The following ARHGAP19 variants were observed in gnomAD, a reference collection of about 807,000 sequenced individuals.
ARHGAP19 encodes Rho GTPase activating protein 19.
In ARHGAP19, 48 loss-of-function variants were observed where a neutral mutation model predicts 60.9. The ratio of observed to expected loss-of-function variants is 0.79; its 90% CI spans 0.62 to 1.00. The LOEUF (loss-of-function observed/expected upper bound fraction) is 1.00. Ranked by LOEUF, ARHGAP19 falls within the 50% of genes least tolerant of loss-of-function variation. The probability of loss-of-function intolerance (pLI) is 0.00; values close to 1 mark genes in which losing one functional copy is unlikely to be tolerated. For synonymous variants in ARHGAP19, 209 were observed against 215.5 expected (o/e 0.97, Z 0.27); for missense variants, 562 against 597.2 (o/e 0.94, Z 0.61).
chr10:97,288,457 G>A (rs562812456), intron 1 of ARHGAP19, among the ~76,000 whole-genome samples: 2 of 152,096 alleles, frequency 1.3e-5, no homozygotes, highest in East Asian at 3.9e-4. Context: ...GCACACGCCT[G>A]TAGTCCCAGC....
chr10:97,241,121 G>T (rs1007341709), intron 8 of ARHGAP19, among the ~76,000 whole-genome samples: 2 of 151,772 alleles, frequency 1.3e-5, no homozygotes, highest in African/African-American at 2.4e-5. Context: ...AGGAGTTCAA[G>T]AACAGCCTGA....
Position 97,226,367 on chromosome 10 carries a change from TAA to T in ARHGAP19, c.1475-237_1475-236del, listed in dbSNP as rs573268236. 3.3e-5 allele frequency among the ~76,000 whole-genome samples: 5 copies of T among 152,358 alleles called. No homozygotes were observed. The South Asian group carries it at 1.0e-3, about 32-fold the overall frequency. ...AGTAAGTACATATTTTGTGCTGCTC[TAA>T]GTTATTTATGTACATTATTTATCCT... is the stretch of plus-strand genomic sequence containing the variant. On this transcript the variant is annotated intron_variant, in intron 11 of 11. Transcript: ENST00000358531.
intron 6 of ARHGAP19, among the ~76,000 whole-genome samples, chr10:97,251,256 A>G (rs1378653995): frequency 3.3e-5 from 1 of 30,094 alleles, no homozygotes; most frequent in African/African-American, 1.6e-4. Context: ...AGGGGGAGGG[A>G]AGGGGAAGGG....
At chr10:97,244,249 AG>A in intron 7 of ARHGAP19, 90 bp from the exon 8 acceptor site, 1 of 1,050,694 alleles carries the variant, frequency 9.5e-7, no homozygotes, top group Non-Finnish European at 1.4e-6. Flanking sequence ...AAAAAGGGAG[AG>A]TGGGGACATG....
At chr10:97,289,113 G>A (rs577089907) in intron 1 of ARHGAP19, among the ~76,000 whole-genome samples, 79 of 142,678 alleles carry the variant, frequency 5.5e-4, no homozygotes, top group African/African-American at 1.9e-3. Flanking sequence ...CACCGTGCCC[G>A]GCTTTTTTTT....
At chr10:97,259,314 C>A in intron 5 of ARHGAP19, 88 bp downstream of exon 5, 1 of 1,054,688 alleles carries the variant, frequency 9.5e-7, no homozygotes, top group Admixed American at 1.8e-5. Context: ...AGACCTTGGA[C>A]CCTTGATAAT....
intron 6 of ARHGAP19, among the ~76,000 whole-genome samples, chr10:97,251,118 AGAGAAAG>A (rs1842639671): frequency 8.8e-6 from 1 of 113,906 alleles, no homozygotes; most frequent in Non-Finnish European, 1.8e-5. Flanking sequence ...GGGAAGGGGA[AGAGAAAG>A]GGGAAGGGAA....
At chr10:97,248,415 C>T (rs1270492442) in intron 6 of ARHGAP19, among the ~76,000 whole-genome samples, 1 of 137,490 alleles carries the variant, frequency 7.3e-6, no homozygotes, top group African/African-American at 2.7e-5. Flanking sequence ...ATCTCCAAAA[C>T]AAGAAAAAAA....
chr10:97,256,762 G>C (rs1225820821), intron 5 of ARHGAP19, among the ~76,000 whole-genome samples: 7 of 152,256 alleles, frequency 4.6e-5, no homozygotes, highest in African/African-American at 1.4e-4. Context: ...TAGAAAACTA[G>C]AGTTTCTCCA....
chr10:97,236,151 A>C (rs926019304), intron 8 of ARHGAP19, among the ~76,000 whole-genome samples: 1 of 151,670 alleles, frequency 6.6e-6, no homozygotes, highest in African/African-American at 2.4e-5. Flanking sequence ...AATTTTTTCT[A>C]TTTTTAGTAG....
At chr10:97,273,165 CTTTTT>C (rs200631403) in intron 1 of ARHGAP19, among the ~76,000 whole-genome samples, 1 of 150,060 alleles carries the variant, frequency 6.7e-6, no homozygotes, top group Non-Finnish European at 1.5e-5. Flanking sequence ...TCATTAGTTT[CTTTTT>C]TTTTCTCTTT....
chr10:97,258,543 A>C (rs1842786277), intron 5 of ARHGAP19: 1 of 152,662 alleles, frequency 6.6e-6, no homozygotes, highest in South Asian at 2.1e-4. Flanking sequence ...CAAAAAAAAA[A>C]GGTAAAAGAC....
At chr10:97,291,696 T>C (rs561664591) in intron 1 of ARHGAP19, among the ~76,000 whole-genome samples, 3 of 152,338 alleles carry the variant, frequency 2.0e-5, no homozygotes, top group Middle Eastern at 3.4e-3. Context: ...GAATCTCTTA[T>C]TCGGTACAAA....
chr10:97,264,975 C>T (rs1194963509), intron 2 of ARHGAP19, 69 bp from the exon 3 acceptor site: 2 of 1,153,428 alleles, frequency 1.7e-6, no homozygotes, highest in Non-Finnish European at 2.6e-6. Context: ...TACCTAAAAC[C>T]ACTCAAGCAT....
chr10:97,247,052 G>A (rs1162220741), intron 6 of ARHGAP19, among the ~76,000 whole-genome samples: 2 of 151,668 alleles, frequency 1.3e-5, no homozygotes, highest in Non-Finnish European at 2.9e-5. Context: ...CAGGAGAATC[G>A]CTTGAACCCA....
chr10:97,241,047 G>A (rs1842471200), intron 8 of ARHGAP19, among the ~76,000 whole-genome samples: 2 of 152,200 alleles, frequency 1.3e-5, no homozygotes, highest in Non-Finnish European at 2.9e-5. Flanking sequence ...CAGGCTGGGT[G>A]CGGTGGCTCA....
Position 97,259,408 on chromosome 10 carries a change from T to C in ARHGAP19, c.834A>G (p.Pro278=). The C allele has an allele frequency of 6.2e-7, 1 of 1,613,482 alleles. No homozygotes were observed. The highest frequency in any genetic ancestry group is 8.5e-7 in the Non-Finnish European group (1 of 1,179,398). ...ALMFAPHVLW[P]KNVTANDLQE... ...TCTTCCCGTCAACACTCACATTTTT[T>C]GGCCACAGGACATGGGGTGCAAACA... is the stretch of plus-strand genomic sequence containing the variant. The change falls in exon 5 of 12, where the codon CCA becomes CCG. Residue 278 remains proline (P), a synonymous_variant. Coordinates refer to ENST00000358531, the MANE Select transcript of ARHGAP19 (RefSeq NM_032900.6).
Position 97,290,228 on chromosome 10 carries a change from ACTG to A in ARHGAP19, c.56+2341_56+2343del, listed in dbSNP as rs1843212726. On this transcript the variant is annotated intron_variant, in intron 1 of 11. Transcript: ENST00000358531. ...GCTGAGCTTTTGCTCGCCCTCTACC[ACTG>A]CTGTTTGCCGCTGTCGCAGACCCGC... 3.3e-5 allele frequency among the ~76,000 whole-genome samples: 5 copies of A among 152,148 alleles called. No individual in the cohort carries two copies. The East Asian group carries it at 7.7e-4, about 23-fold the overall frequency.
chr10:97,278,284 C>T (rs921816601), intron 1 of ARHGAP19, among the ~76,000 whole-genome samples: 1 of 152,132 alleles, frequency 6.6e-6, no homozygotes, highest in African/African-American at 2.4e-5. Flanking sequence ...TCATTTTGTT[C>T]AACAGGAAAA....
Sources: gnomAD v4.1 joint callset for allele counts (sites outside exome capture counted in the v4.1 genomes callset) on GRCh38, gnomAD v4.1.1 for gene constraint, MANE v1.5 for transcripts, NCBI Gene and HGNC (gene_info 2026-07-23, HGNC 2026-07-21) for gene names.